The following DISC1 variants were observed in gnomAD, a reference collection of about 807,000 sequenced individuals.
DISC1 encodes DISC1 scaffold protein, also known as disrupted in schizophrenia 1 protein.
A neutral mutation model predicts 84.5 loss-of-function variants in DISC1; 57 were observed. That is an observed-to-expected ratio of 0.67 (90% CI 0.55 to 0.84). The LOEUF (loss-of-function observed/expected upper bound fraction) is 0.84, where lower values mean the gene tolerates loss of function less well. DISC1 is among the 40% of genes least tolerant of loss of function. The pLI, the probability that DISC1 is intolerant of heterozygous loss-of-function variation, is 0.00. For synonymous variants in DISC1, 411 were observed against 415.2 expected (o/e 0.99, Z 0.12); for missense variants, 1,000 against 1,057.8 (o/e 0.95, Z 0.76).
intron 9 of DISC1, among the ~76,000 whole-genome samples, chr1:231,882,154 G>T (rs1257940983): frequency 6.6e-6 from 1 of 152,174 alleles, no homozygotes; most frequent in Non-Finnish European, 1.5e-5. Context: ...ATTGTTAACG[G>T]CTAACTTTTG....
intron 9 of DISC1, among the ~76,000 whole-genome samples, chr1:231,824,917 T>TCCATCCATCCAC (rs2081756140): frequency 6.9e-6 from 1 of 144,668 alleles, no homozygotes; most frequent in African/African-American, 2.6e-5. Context: ...CATCCACCCA[T>TCCATCCATCCAC]CCATCCATCC....
At chr1:231,994,114 T>G (rs199544129) in intron 10 of DISC1, among the ~76,000 whole-genome samples, 2 of 152,258 alleles carry the variant, frequency 1.3e-5, no homozygotes, top group African/African-American at 2.4e-5. Context: ...ACAGTCCTTG[T>G]ACTTTGCTCA....
intron 9 of DISC1, among the ~76,000 whole-genome samples, chr1:231,877,816 G>A (rs1227281911): frequency 1.3e-5 from 2 of 152,196 alleles, no homozygotes; most frequent in Non-Finnish European, 2.9e-5. Flanking sequence ...AGGAATGCAT[G>A]ACTGATGTGC....
intron 8 of DISC1, among the ~76,000 whole-genome samples, chr1:231,811,244 T>A (rs1211472498): frequency 6.6e-6 from 1 of 152,156 alleles, no homozygotes; most frequent in East Asian, 1.9e-4. Flanking sequence ...AATGGCAAAT[T>A]CTAGCTGAAG....
In DISC1 at chr1:231,713,701, G is replaced by T. The variant is rs1043174792; in HGVS notation, c.1117+11677G>T. ...AGCAGATATATATATATATATATAG[G>T]AGATATATATATATATATATATAGG... On this transcript the variant is annotated intron_variant, in intron 3 of 12. Transcript: ENST00000439617. Among the ~76,000 whole-genome samples the T allele has an allele frequency of 9.1e-4, 91 of 99,810 alleles. 2 individuals carry two copies. Among genetic ancestry groups the T allele is most frequent in the African/African-American group, 4.3e-3 (89 of 20,848 alleles). 65.5% of individuals were successfully genotyped at this position (99,810 alleles called of 152,430 possible).
At chr1:231,913,845 A>G (rs1039813352) in intron 9 of DISC1, among the ~76,000 whole-genome samples, 1 of 152,098 alleles carries the variant, frequency 6.6e-6, no homozygotes, top group Non-Finnish European at 1.5e-5. Flanking sequence ...CAGCAACATT[A>G]TTGTCCACAT....
At chr1:231,660,882 G>T (rs1377389956) in intron 1 of DISC1, among the ~76,000 whole-genome samples, 1 of 152,192 alleles carries the variant, frequency 6.6e-6, no homozygotes, top group African/African-American at 2.4e-5. Context: ...GTGTAGTTCA[G>T]TGTGTTTTTG....
At chr1:231,825,551 A>G (rs151026884) in intron 9 of DISC1, among the ~76,000 whole-genome samples, 2 of 152,320 alleles carry the variant, frequency 1.3e-5, no homozygotes, top group Admixed American at 6.5e-5. Context: ...TCATGATCTT[A>G]AAGAAGAGCC....
intron 9 of DISC1, among the ~76,000 whole-genome samples, chr1:231,872,323 G>A (rs1376508476): frequency 6.6e-6 from 1 of 151,880 alleles, no homozygotes; most frequent in Non-Finnish European, 1.5e-5. Context: ...CTTTTGTAAG[G>A]TTATTTCTCT....
At chr1:231,952,824 G>T (rs1247200825) in intron 9 of DISC1, among the ~76,000 whole-genome samples, 1 of 151,490 alleles carries the variant, frequency 6.6e-6, no homozygotes, top group Non-Finnish European at 1.5e-5. Flanking sequence ...ATTTATTGAT[G>T]GCTGGTCTTT....
At chr1:231,749,344 C>T (rs2074351170) in intron 3 of DISC1, among the ~76,000 whole-genome samples, 1 of 152,182 alleles carries the variant, frequency 6.6e-6, no homozygotes, top group South Asian at 2.1e-4. Flanking sequence ...AATTGTATTA[C>T]ACAGATTCTA....
intron 1 of DISC1, among the ~76,000 whole-genome samples, chr1:231,672,357 C>T (rs1335724487): frequency 1.3e-5 from 2 of 152,164 alleles, no homozygotes; most frequent in East Asian, 3.8e-4. Flanking sequence ...TCTTGGGCTT[C>T]AATTCCTCCT....
At chr1:231,998,427 G>GA (rs1464910770) in intron 10 of DISC1, among the ~76,000 whole-genome samples, 2 of 152,080 alleles carry the variant, frequency 1.3e-5, no homozygotes, top group Non-Finnish European at 2.9e-5. Context: ...AAACAGGATA[G>GA]AAAAAAAGGT....
At chr1:231,974,340 C>T (rs1010258258) in intron 10 of DISC1, among the ~76,000 whole-genome samples, 4 of 152,120 alleles carry the variant, frequency 2.6e-5, no homozygotes, top group Middle Eastern at 3.2e-3. Flanking sequence ...AACCCAACAA[C>T]CTTTAAAAAT....
intron 10 of DISC1, among the ~76,000 whole-genome samples, chr1:231,978,929 C>T (rs970765913): frequency 2.0e-5 from 3 of 152,186 alleles, no homozygotes; most frequent in South Asian, 2.1e-4. Context: ...TGTTGAGAAC[C>T]GGGCTGCACA....
At chr1:231,994,057 GATT>G (rs1665583313) in intron 10 of DISC1, among the ~76,000 whole-genome samples, 1 of 152,222 alleles carries the variant, frequency 6.6e-6, no homozygotes, top group South Asian at 2.1e-4. Context: ...TTTGATTTCT[GATT>G]ATATCTTAGT....
intron 9 of DISC1, among the ~76,000 whole-genome samples, chr1:231,894,507 T>A (rs541754944): frequency 6.6e-6 from 1 of 152,144 alleles, no homozygotes; most frequent in South Asian, 2.1e-4. Flanking sequence ...CTTTTCCTTC[T>A]TTTTTTTCTA....
intron 1 of DISC1, among the ~76,000 whole-genome samples, chr1:231,679,093 C>A (rs2063453222): frequency 6.6e-6 from 1 of 152,230 alleles, no homozygotes; most frequent in African/African-American, 2.4e-5. Context: ...TTCTAGAGAG[C>A]CAGGCAATGT....
intron 6 of DISC1, among the ~76,000 whole-genome samples, chr1:231,776,275 T>G (rs1261702518): frequency 6.6e-6 from 1 of 152,238 alleles, no homozygotes; most frequent in Non-Finnish European, 1.5e-5. Flanking sequence ...TTAGAAATGC[T>G]TGACTGGCTT....
Sources: gnomAD v4.1 joint callset for allele counts (sites outside exome capture counted in the v4.1 genomes callset) on GRCh38, gnomAD v4.1.1 for gene constraint, MANE v1.5 for transcripts, NCBI Gene and HGNC (gene_info 2026-07-23, HGNC 2026-07-21) for gene names.